PHACTR2: variants seen among roughly 807,000 people sequenced by gnomAD.
The protein encoded by PHACTR2 is phosphatase and actin regulator 2, also known as chromosome 6 open reading frame 56.
In PHACTR2, 30 loss-of-function variants were observed where a neutral mutation model predicts 76.0. That is an observed-to-expected ratio of 0.39 (90% CI 0.30 to 0.54). PHACTR2 has a LOEUF of 0.54. Among genes scored for constraint, PHACTR2 ranks in the 20% least tolerant of loss-of-function variants. The pLI is 0.61. For missense variants in PHACTR2, 696 were observed against 781.1 expected (o/e 0.89, Z 1.30); for synonymous variants, 292 against 292.5 (o/e 1.00, Z 0.02).
chr6:143,816,483 G>A lies in PHACTR2; in HGVS notation c.1923-7191G>A, dbSNP rs6932391. On this transcript the variant is annotated intron_variant, in intron 12 of 12. Coordinates refer to ENST00000440869, the MANE Select transcript of PHACTR2 (RefSeq NM_001100164.2). The surrounding 1 kb of genome is among the most constrained non-coding windows in gnomAD (Gnocchi z 4.5). ...TTCCTTCTGGTTGTTACTTTTTACCGAATCTGGGCAATCTATCTAAAGAGG... is the reference window on the plus strand; with the variant it reads ...TTCCTTCTGGTTGTTACTTTTTACCAAATCTGGGCAATCTATCTAAAGAGG... 0.011 allele frequency among the ~76,000 whole-genome samples: 1,653 copies of A among 152,058 alleles called. 27 individuals carry two copies. The highest frequency in any genetic ancestry group is 0.038 in the African/African-American group (1,594 of 41,474).
chr6:143,645,808 A>G (rs1776650852), intron 1 of PHACTR2, among the ~76,000 whole-genome samples: 1 of 152,238 alleles, frequency 6.6e-6, no homozygotes. Context: ...TAGAATACAC[A>G]AAACTAAATT....
Position 143,742,706 on chromosome 6 carries a change from G to A in PHACTR2, c.215-6279G>A, listed in dbSNP as rs1037420375. Reference sequence around the variant, plus strand: ...ATTTCTAAAAGAAGTAGAAGAGGATGCTAGACATGCCTTTCCTCCTTCCCC... The same window carrying A: ...ATTTCTAAAAGAAGTAGAAGAGGATACTAGACATGCCTTTCCTCCTTCCCC... On this transcript the variant is annotated intron_variant, in intron 2 of 12. Coordinates refer to ENST00000440869, the MANE Select transcript of PHACTR2 (RefSeq NM_001100164.2). This position sits in a 1 kb window ranked among gnomAD's most constrained non-coding sequence, Gnocchi z 4.5. Among the ~76,000 whole-genome samples the A allele has an allele frequency of 4.6e-5, 7 of 152,168 alleles. No homozygotes were observed. In the East Asian group the frequency reaches 1.3e-3, roughly 29 times the overall value.
In PHACTR2 at chr6:143,657,674, A is replaced by C. The variant is rs146690196; in HGVS notation, c.13+49352A>C. 1.1e-3 allele frequency among the ~76,000 whole-genome samples: 174 copies of C among 152,344 alleles called. 1 individual carries two copies. Among genetic ancestry groups the C allele is most frequent in the African/African-American group, 3.9e-3 (161 of 41,584 alleles). On this transcript the variant is annotated intron_variant, in intron 1 of 11. Transcript: ENST00000305766. ...GAAGTCAGATTGAGCAGATTGGGGA[A>C]TAGAGCTGTGAGGCAGCTCCAGCCC...
chr6:143,638,599 A>C (rs76900490), intron 1 of PHACTR2, among the ~76,000 whole-genome samples: 13 of 149,830 alleles, frequency 8.7e-5, no homozygotes, highest in East Asian at 3.9e-4. Context: ...ACACACACAC[A>C]CCCAGCTATC....
intron 11 of PHACTR2, among the ~76,000 whole-genome samples, chr6:143,798,431 T>A (rs993725104): frequency 6.6e-6 from 1 of 152,172 alleles, no homozygotes; most frequent in Non-Finnish European, 1.5e-5. Context: ...ACTTCCAACA[T>A]TATGTTGAAT....
At chr6:143,565,804 C>G (rs944075792) in intron 1 of PHACTR2, among the ~76,000 whole-genome samples, 5 of 152,012 alleles carry the variant, frequency 3.3e-5, no homozygotes, top group Non-Finnish European at 7.4e-5. Flanking sequence ...GGATCTGGGC[C>G]TATGGTTGCT....
Position 143,684,193 on chromosome 6 carries a change from G to C in PHACTR2, c.46+5984G>C, listed in dbSNP as rs758225079. 3.3e-5 allele frequency among the ~76,000 whole-genome samples: 5 copies of C among 152,068 alleles called. No individual in the cohort carries two copies. Among genetic ancestry groups the C allele is most frequent in the African/African-American group, 9.7e-5 (4 of 41,412 alleles). The stretch of plus-strand genomic sequence containing the variant: ...AAATATGCAACTCCCTATTTGACAG[G>C]TCTGCTTGAAAACTTGCTGGGCATC... On this transcript the variant is annotated intron_variant, in intron 1 of 12. Coordinates refer to ENST00000440869, the MANE Select transcript of PHACTR2 (RefSeq NM_001100164.2). The surrounding 1 kb of genome is among the most constrained non-coding windows in gnomAD (Gnocchi z 4.3).
intron 1 of PHACTR2, among the ~76,000 whole-genome samples, chr6:143,685,118 T>A (rs1161320263): frequency 6.6e-6 from 1 of 152,118 alleles, no homozygotes; most frequent in Non-Finnish European, 1.5e-5. Flanking sequence ...TAAGTCAAGT[T>A]GATTAGTCGT....
chr6:143,757,676 A>G lies in PHACTR2; in HGVS notation c.455-2725A>G, dbSNP rs1360032612. Among the ~76,000 whole-genome samples the G allele has an allele frequency of 6.6e-6, 1 of 152,192 alleles. No individual in the cohort carries two copies. Among genetic ancestry groups the G allele is most frequent in the Non-Finnish European group, 1.5e-5 (1 of 68,034 alleles). ...CTTCTCTTGAAGTGATAATACTCCTATATGCCATCAGTTTATATCATGTCT... is the reference window on the plus strand; with the variant it reads ...CTTCTCTTGAAGTGATAATACTCCTGTATGCCATCAGTTTATATCATGTCT... On this transcript the variant is annotated intron_variant, in intron 4 of 12. Transcript: ENST00000440869. This position sits in a 1 kb window ranked among gnomAD's most constrained non-coding sequence, Gnocchi z 4.2.
rs963470210 is a variant in PHACTR2, at chr6:143,570,520, C to T, written c.217+33313C>T. Among the ~76,000 whole-genome samples, 1 of 152,158 alleles carries T rather than the reference C, an allele frequency of 6.6e-6. No individual in the cohort carries two copies. The highest frequency in any genetic ancestry group is 1.5e-5 in the Non-Finnish European group (1 of 68,018). ...AGCCATGAAAATGTTCTATCAATAG[C>T]TTTCTATCGATTGGCAGTTTTGTGC... is the stretch of plus-strand genomic sequence containing the variant. On this transcript the variant is annotated intron_variant, in intron 1 of 11. Transcript: ENST00000367584. This position sits in a 1 kb window ranked among gnomAD's most constrained non-coding sequence, Gnocchi z 4.6.
At position 143,599,478 on chromosome 6, in the gene PHACTR2, C is replaced by T. The variant is rs560527908; in HGVS notation, c.217+62271C>T. ...GTACTCAGTAGTGTTCTGGGAGCTA[C>T]GAGGAAGACCTTGACAAGATTTCTA... On this transcript the variant is annotated intron_variant, in intron 1 of 11. Coordinates refer to the PHACTR2 transcript ENST00000367584. The surrounding 1 kb of genome is among the most constrained non-coding windows in gnomAD (Gnocchi z 4.6). Among the ~76,000 whole-genome samples the T allele has an allele frequency of 1.2e-4, 19 of 152,148 alleles. No individual in the cohort carries two copies. The highest frequency in any genetic ancestry group is 6.8e-3 in the Middle Eastern group (2 of 292).
At position 143,656,752 on chromosome 6, in the gene PHACTR2, TAACTC is replaced by T. The variant is rs1428018650; in HGVS notation, c.13+48433_13+48437del. On this transcript the variant is annotated intron_variant, in intron 1 of 11. Transcript: ENST00000305766. The surrounding 1 kb of genome is among the most constrained non-coding windows in gnomAD (Gnocchi z 5.3). The stretch of plus-strand genomic sequence containing the variant: ...CTGATTAGCAAAGCATTTTAATTAA[TAACTC>T]AAACAGAAAAAGCATGTCTGTTAGT... 6.6e-6 allele frequency among the ~76,000 whole-genome samples: 1 copy of T among 152,146 alleles called. No individual in the cohort carries two copies. Among genetic ancestry groups the T allele is most frequent in the Non-Finnish European group, 1.5e-5 (1 of 68,032 alleles).
intron 1 of PHACTR2, among the ~76,000 whole-genome samples, chr6:143,567,696 A>C (rs1480721016): frequency 2.0e-5 from 3 of 152,088 alleles, no homozygotes; most frequent in Non-Finnish European, 2.9e-5. Context: ...ACCGCCCCCT[A>C]TCTTTGATTT....
At chr6:143,559,970 C>G (rs1376218132) in intron 1 of PHACTR2, among the ~76,000 whole-genome samples, 1 of 151,886 alleles carries the variant, frequency 6.6e-6, no homozygotes, top group Non-Finnish European at 1.5e-5. Context: ...CTGGGCCTCC[C>G]AAAGGGCTGG....
chr6:143,716,802 T>G (rs1218305230), intron 2 of PHACTR2, among the ~76,000 whole-genome samples: 2 of 152,346 alleles, frequency 1.3e-5, no homozygotes, highest in Non-Finnish European at 1.5e-5. Context: ...CTGGAGCTAC[T>G]GTTGCTAGAA....
At chr6:143,741,178 A>C (rs1353881812) in intron 2 of PHACTR2, among the ~76,000 whole-genome samples, 1 of 149,158 alleles carries the variant, frequency 6.7e-6, no homozygotes, top group Non-Finnish European at 1.5e-5. Flanking sequence ...GGAGTTCAAG[A>C]CCAGCCTGGC....
At chr6:143,808,612 A>G (rs1022893444) in intron 12 of PHACTR2, among the ~76,000 whole-genome samples, 3 of 152,054 alleles carry the variant, frequency 2.0e-5, no homozygotes, top group African/African-American at 7.2e-5. Flanking sequence ...ATTCTACACC[A>G]TTTTCTATCA....
Position 143,730,502 on chromosome 6 carries a change from C to G in PHACTR2, c.214+18319C>G, listed in dbSNP as rs1269334892. On this transcript the variant is annotated intron_variant, in intron 2 of 12. Coordinates refer to ENST00000440869, the MANE Select transcript of PHACTR2 (RefSeq NM_001100164.2). This position sits in a 1 kb window ranked among gnomAD's most constrained non-coding sequence, Gnocchi z 4.8. ...ATGCTACCTTATTAAACTCACTTAT[C>G]AGTTCTAGTAGTTCTAGTGAAAATA... Among the ~76,000 whole-genome samples the G allele has an allele frequency of 6.6e-6, 1 of 152,152 alleles. No homozygotes were observed. The highest frequency in any genetic ancestry group is 1.5e-5 in the Non-Finnish European group (1 of 68,018).
intron 1 of PHACTR2, among the ~76,000 whole-genome samples, chr6:143,552,710 C>T (rs557954330): frequency 6.6e-6 from 1 of 152,082 alleles, no homozygotes; most frequent in African/African-American, 2.4e-5. Context: ...TTGAGACTAG[C>T]CTGGCCAACA....
Sources: allele counts gnomAD v4.1 joint callset (sites outside exome capture counted in the v4.1 genomes callset), GRCh38; gene constraint gnomAD v4.1.1; non-coding constraint Gnocchi (gnomAD v3.1); transcripts MANE v1.5; gene names NCBI Gene and HGNC (gene_info 2026-07-23, HGNC 2026-07-21).